KDM7A: variants seen among roughly 807,000 people sequenced by gnomAD.
KDM7A encodes the protein lysine-specific demethylase 7A.
A neutral mutation model predicts 114.8 loss-of-function variants in KDM7A; 28 were observed. The observed-to-expected ratio is 0.24, with a 90% CI of 0.18 to 0.33. The LOEUF is 0.33. Ranked by LOEUF, KDM7A falls within the 10% of genes least tolerant of loss-of-function variation. KDM7A has a pLI of 1.00. For synonymous variants in KDM7A, 423 were observed against 397.8 expected, an observed-to-expected ratio of 1.06 and a Z score of -0.75; for missense variants, 942 against 1,142.5, an observed-to-expected ratio of 0.82 and a Z score of 2.53.
intron 2 of KDM7A, among the ~76,000 whole-genome samples, chr7:140,136,238 A>G (rs552008985): frequency 5.3e-5 from 8 of 152,356 alleles, no homozygotes; most frequent in African/African-American, 1.9e-4. Context: ...TGGAGTTGTT[A>G]TAAATGTCAA....
chr7:140,156,721 T>C (rs1330672113), intron 1 of KDM7A, among the ~76,000 whole-genome samples: 3 of 152,192 alleles, frequency 2.0e-5, no homozygotes, highest in African/African-American at 2.4e-5. Flanking sequence ...CTGCTTCAAG[T>C]ACAAGCTGCT....
intron 1 of KDM7A, among the ~76,000 whole-genome samples, chr7:140,151,523 C>T (rs1161797639): frequency 3.3e-5 from 5 of 152,118 alleles, no homozygotes; most frequent in Admixed American, 3.3e-4. Flanking sequence ...GGGGAAAGTA[C>T]AGAACTGATT....
chr7:140,105,936 G>A (rs1818329551), intron 11 of KDM7A, among the ~76,000 whole-genome samples: 1 of 152,140 alleles, frequency 6.6e-6, no homozygotes, highest in South Asian at 2.1e-4. Context: ...TTTTTGGGTG[G>A]TAGGCTCTTA....
At chr7:140,122,973 G>T (rs1818639230) in intron 7 of KDM7A, among the ~76,000 whole-genome samples, 1 of 152,110 alleles carries the variant, frequency 6.6e-6, no homozygotes, top group Admixed American at 6.6e-5. Context: ...TACTGATATG[G>T]GTCTAGTACA....
At chr7:140,095,183 T>C (rs914311524) in intron 17 of KDM7A, among the ~76,000 whole-genome samples, 2 of 152,210 alleles carry the variant, frequency 1.3e-5, no homozygotes, top group Non-Finnish European at 2.9e-5. Context: ...CTATTGTATA[T>C]GTAAAACCAA....
chr7:140,091,288 C>T, intron 19 of KDM7A, 100 bp from the exon 20 acceptor site: 10 of 808,784 alleles, frequency 1.2e-5, no homozygotes, highest in Non-Finnish European at 2.2e-5. Flanking sequence ...GAAGTAAGCC[C>T]TTAGGTGTTC....
At chr7:140,173,052 A>G (rs948809715) in intron 1 of KDM7A, among the ~76,000 whole-genome samples, 3 of 152,200 alleles carry the variant, frequency 2.0e-5, no homozygotes, top group South Asian at 2.1e-4. Flanking sequence ...ATACAATTCA[A>G]TTAGGGCAGT....
At chr7:140,124,804 A>G in intron 6 of KDM7A, 21 bp from the exon 7 acceptor site, 1 of 1,543,376 alleles carries the variant, frequency 6.5e-7, no homozygotes, top group Non-Finnish European at 8.8e-7. Context: ...GTATCATACT[A>G]TTTTTGAAAA....
At chr7:140,107,413 T>A (rs1403883259) in intron 11 of KDM7A, among the ~76,000 whole-genome samples, 2 of 152,208 alleles carry the variant, frequency 1.3e-5, no homozygotes, top group East Asian at 1.9e-4. Flanking sequence ...CTGGTCTCAG[T>A]TGTTCCTTTC....
intron 1 of KDM7A, among the ~76,000 whole-genome samples, chr7:140,147,248 C>G (rs532626232): frequency 6.6e-6 from 1 of 152,208 alleles, no homozygotes; most frequent in African/African-American, 2.4e-5. Context: ...TAAGATTTCT[C>G]TCTCAATACC....
Position 140,176,383 on chromosome 7 carries a change from C to T in KDM7A, c.194+361G>A, listed in dbSNP as rs918415980. Among the ~76,000 whole-genome samples, 1 of 138,318 alleles carries T rather than the reference C, an allele frequency of 7.2e-6. No individual in the cohort carries two copies. Among genetic ancestry groups the T allele is most frequent in the Non-Finnish European group, 1.6e-5 (1 of 63,488 alleles). The allele number at this position is 138,318 out of a possible 152,430, so 90.7% of individuals were successfully genotyped here. A position where few individuals can be genotyped will look rare whatever the true frequency, so the allele number is the denominator to read the frequency against. On this transcript the variant is annotated intron_variant, in intron 1 of 19. Coordinates refer to ENST00000397560, the MANE Select transcript of KDM7A (RefSeq NM_030647.2). The surrounding 1 kb of genome is among the most constrained non-coding windows in gnomAD (Gnocchi z 4.4). ...CGGGGCGGGGCGGCGGCGGCCCGGG[C>T]TGGCGAGGGGCTGCGGACCCGGCCG...
chr7:140,100,701 T>TACACAC (rs1818197333), intron 12 of KDM7A, among the ~76,000 whole-genome samples: 3 of 36,468 alleles, frequency 8.2e-5, no homozygotes, highest in Admixed American at 3.0e-4. Context: ...TATATATATA[T>TACACAC]ATATATACAC....
chr7:140,154,745 T>C lies in KDM7A; in HGVS notation c.195-15555A>G, dbSNP rs879620303. On this transcript the variant is annotated intron_variant, in intron 1 of 19. Coordinates refer to ENST00000397560, the MANE Select transcript of KDM7A (RefSeq NM_030647.2). The stretch of plus-strand genomic sequence containing the variant: ...AACCTCGGGTCTTTCTCTCTCTCTC[T>C]CCCTTTTTTTTTCCCCACAAAACAC... 3.4e-4 allele frequency among the ~76,000 whole-genome samples: 52 copies of C among 151,928 alleles called. 1 individual carries two copies. The highest frequency in any genetic ancestry group is 2.9e-4 in the Non-Finnish European group (20 of 67,980).
chr7:140,156,990 T>G (rs1557939), intron 1 of KDM7A, among the ~76,000 whole-genome samples: 1 of 151,684 alleles, frequency 6.6e-6, no homozygotes, highest in Non-Finnish European at 1.5e-5. Context: ...AGCATCCTCC[T>G]AGGGATAAAC....
intron 1 of KDM7A, among the ~76,000 whole-genome samples, chr7:140,165,922 A>T (rs577780009): frequency 3.3e-5 from 5 of 152,324 alleles, no homozygotes; most frequent in Admixed American, 6.5e-5. Flanking sequence ...AGGAGGCAAA[A>T]GAAATTCATG....
intron 4 of KDM7A, 96 bp from the exon 5 acceptor site, chr7:140,127,679 C>T (rs1439783385): frequency 1.9e-6 from 2 of 1,048,986 alleles, no homozygotes; most frequent in Admixed American, 4.0e-5. Context: ...GATAATTAAA[C>T]CAACTATAAA....
chr7:140,116,648 G>A (rs1022600168), intron 9 of KDM7A, among the ~76,000 whole-genome samples: 6 of 152,182 alleles, frequency 3.9e-5, no homozygotes, highest in Non-Finnish European at 8.8e-5. Flanking sequence ...GAATGTGTGT[G>A]TGTGTATGCA....
chr7:140,150,708 C>T (rs1005552732), intron 1 of KDM7A, among the ~76,000 whole-genome samples: 9 of 152,140 alleles, frequency 5.9e-5, no homozygotes, highest in African/African-American at 1.9e-4. Context: ...ATAGAACCTT[C>T]TCTATACCTT....
At chr7:140,106,482 CTG>C (rs1818339509) in intron 11 of KDM7A, among the ~76,000 whole-genome samples, 1 of 152,070 alleles carries the variant, frequency 6.6e-6, no homozygotes, top group Non-Finnish European at 1.5e-5. Flanking sequence ...TTCTGGTATG[CTG>C]TGTCTTTGTT....
Sources: allele counts gnomAD v4.1 joint callset (sites outside exome capture counted in the v4.1 genomes callset), GRCh38; gene constraint gnomAD v4.1.1; non-coding constraint Gnocchi (gnomAD v3.1); transcripts MANE v1.5; gene names NCBI Gene and HGNC (gene_info 2026-07-23, HGNC 2026-07-21).